Variants in C12orf42 observed in about 807,000 individuals in gnomAD.
C12orf42 encodes uncharacterized protein C12orf42.
A neutral mutation model predicts 21.6 loss-of-function variants in C12orf42; 25 were observed. The observed-to-expected ratio is 1.16, with a 90% CI of 0.84 to 1.62. The LOEUF (loss-of-function observed/expected upper bound fraction) is 1.62, where lower values mean the gene tolerates loss of function less well. Among genes scored for constraint, C12orf42 ranks in the 40% most tolerant of loss-of-function variants. The probability of loss-of-function intolerance (pLI) is 0.00; values close to 1 mark genes in which losing one functional copy is unlikely to be tolerated. For missense variants in C12orf42, 483 were observed against 459.3 expected (o/e 1.05, Z -0.47); for synonymous variants, 174 against 175.0 (o/e 0.99, Z 0.05).
chr12:103,374,940 G>T (rs184405691), intron 3 of C12orf42, among the ~76,000 whole-genome samples: 7 of 152,286 alleles, frequency 4.6e-5, no homozygotes, highest in Non-Finnish European at 1.0e-4. Context: ...AAACAGTTAA[G>T]CCAAAATATT....
At chr12:103,234,793 AC>A (rs2033419024), downstream of C12orf42, among the ~76,000 whole-genome samples, 1 of 152,138 alleles carries the variant, frequency 6.6e-6, no homozygotes. Context: ...TTCCTTCTGA[AC>A]ATATATACAG....
chr12:103,330,197 T>C (rs1049305726), intron 4 of C12orf42, among the ~76,000 whole-genome samples: 1 of 152,266 alleles, frequency 6.6e-6, no homozygotes, highest in African/African-American at 2.4e-5. Flanking sequence ...ATTGGGATTA[T>C]ATCAGTTACT....
At chr12:103,298,769 A>T (rs2037466661), downstream of C12orf42, among the ~76,000 whole-genome samples, 1 of 152,158 alleles carries the variant, frequency 6.6e-6, no homozygotes, top group African/African-American at 2.4e-5. Flanking sequence ...CATGTCTTTC[A>T]CAAGTCTGAT....
chr12:103,115,071 G>A, the C12orf42 span, among the ~76,000 whole-genome samples: 12 of 152,174 alleles, frequency 7.9e-5, no homozygotes, highest in Admixed American at 2.6e-4. Flanking sequence ...CTGTAAAAAC[G>A]GCATTGAGTT....
chr12:103,243,015 C>A (rs1426526346), intron 10 of C12orf42, among the ~76,000 whole-genome samples: 2 of 151,966 alleles, frequency 1.3e-5, no homozygotes, highest in Non-Finnish European at 2.9e-5. Context: ...TAATTAAACT[C>A]CAAATGTTAT....
the C12orf42 span, among the ~76,000 whole-genome samples, chr12:103,205,097 G>T: frequency 3.3e-5 from 5 of 152,112 alleles, no homozygotes; most frequent in East Asian, 9.6e-4. Flanking sequence ...TTAAAAACAA[G>T]CAAACAACAA....
chr12:103,386,926 C>T (rs1593748535), intron 3 of C12orf42, among the ~76,000 whole-genome samples: 1 of 152,184 alleles, frequency 6.6e-6, no homozygotes, highest in Non-Finnish European at 1.5e-5. Flanking sequence ...TGGACAGTCC[C>T]GTTAAACCAA....
the C12orf42 span, among the ~76,000 whole-genome samples, chr12:103,520,989 T>C: frequency 3.3e-5 from 5 of 152,252 alleles, no homozygotes; most frequent in Non-Finnish European, 5.9e-5. Context: ...ACATCTACTA[T>C]AGTGCTTGTC....
chr12:103,260,841 A>G (rs769525698), intron 10 of C12orf42, among the ~76,000 whole-genome samples: 4 of 152,160 alleles, frequency 2.6e-5, no homozygotes, highest in Non-Finnish European at 4.4e-5. Flanking sequence ...GTGTGAAGGT[A>G]TATTTTGAGA....
chr12:103,166,515 T>C, the C12orf42 span, among the ~76,000 whole-genome samples: 1 of 152,196 alleles, frequency 6.6e-6, no homozygotes, highest in East Asian at 1.9e-4. Flanking sequence ...GATTTTTAAA[T>C]AACATAATTA....
At chr12:103,081,788 TTTTC>T in the C12orf42 span, among the ~76,000 whole-genome samples, 14 of 152,214 alleles carry the variant, frequency 9.2e-5, no homozygotes, top group African/African-American at 1.2e-4. Flanking sequence ...TATTAAATAA[TTTTC>T]TTTATTACTA....
At chr12:103,257,250 A>C (rs559556315) in intron 10 of C12orf42, among the ~76,000 whole-genome samples, 1 of 152,262 alleles carries the variant, frequency 6.6e-6, no homozygotes, top group East Asian at 1.9e-4. Context: ...ACTAATGGGT[A>C]CTCAACTTAA....
rs142797173 is a variant in C12orf42, at chr12:103,492,101, C to T, written c.-22+3801G>A. On this transcript the variant is annotated intron_variant, in intron 1 of 5. Transcript: ENST00000548883. ...CCTCCTGAGTAGCCGGGATTACAGG[C>T]GTGCGCAACTACGCCCAGCTAATTT... Among the ~76,000 whole-genome samples the T allele has an allele frequency of 4.2e-4, 64 of 152,210 alleles. No homozygotes were observed. The East Asian group carries it at 0.011, about 27-fold the overall frequency.
chr12:103,214,680 T>C, the C12orf42 span, among the ~76,000 whole-genome samples: 2 of 152,214 alleles, frequency 1.3e-5, no homozygotes, highest in Non-Finnish European at 2.9e-5. Context: ...CCATTGCCCT[T>C]ATTGGTTGTG....
At position 103,391,984 on chromosome 12, in the gene C12orf42, T is replaced by C. The variant is rs1021523824; in HGVS notation, c.147+9623A>G. On this transcript the variant is annotated intron_variant, in intron 3 of 5. Transcript: ENST00000548883. Reference sequence around the variant, plus strand: ...CTCTTACATGTCTGTCTTTGATCTATATTGAGTTAATTTTTAAATACAGTG... The same window carrying C: ...CTCTTACATGTCTGTCTTTGATCTACATTGAGTTAATTTTTAAATACAGTG... Among the ~76,000 whole-genome samples the C allele has an allele frequency of 4.6e-5, 7 of 152,342 alleles. 1 individual carries two copies. Among genetic ancestry groups the C allele is most frequent in the Admixed American group, 2.6e-4 (4 of 15,304 alleles).
At chr12:103,474,046 T>C (rs1310021707) in intron 2 of C12orf42, among the ~76,000 whole-genome samples, 1 of 152,148 alleles carries the variant, frequency 6.6e-6, no homozygotes, top group African/African-American at 2.4e-5. Flanking sequence ...TTGTTTAGAG[T>C]ACATCACCAT....
At chr12:103,213,698 T>A in the C12orf42 span, among the ~76,000 whole-genome samples, 1 of 152,270 alleles carries the variant, frequency 6.6e-6, no homozygotes, top group East Asian at 1.9e-4. Flanking sequence ...AAGGATCAAA[T>A]AGGAAAATCT....
chr12:103,387,810 T>A (rs1032202690), intron 3 of C12orf42, among the ~76,000 whole-genome samples: 1 of 152,224 alleles, frequency 6.6e-6, no homozygotes, highest in Admixed American at 6.5e-5. Context: ...AACAGATGAA[T>A]GAAAACAAGA....
intron 2 of C12orf42, among the ~76,000 whole-genome samples, chr12:103,464,579 A>G (rs1443439000): frequency 6.6e-6 from 1 of 152,002 alleles, no homozygotes; most frequent in East Asian, 1.9e-4. Context: ...ATTAGATCCC[A>G]TTTGTCAATT....
Sources: allele counts gnomAD v4.1 joint callset (sites outside exome capture counted in the v4.1 genomes callset), GRCh38; gene constraint gnomAD v4.1.1; transcripts MANE v1.5; gene names NCBI Gene and HGNC (gene_info 2026-07-23, HGNC 2026-07-21).